Variants in RB1CC1 observed in about 807,000 individuals in gnomAD.
RB1CC1 encodes the protein RB1-inducible coiled-coil protein 1.
RB1CC1 carries 46 observed loss-of-function variants against 177.5 expected under a neutral mutation model. The observed-to-expected ratio is 0.26, with a 90% confidence interval of 0.20 to 0.33. RB1CC1 has a LOEUF of 0.33. RB1CC1 is among the 10% of genes least tolerant of loss of function. The pLI, the probability that RB1CC1 is intolerant of heterozygous loss-of-function variation, is 1.00. For synonymous variants in RB1CC1, 666 were observed against 613.6 expected (o/e 1.09, Z -1.26); for missense variants, 1,703 against 1,816.3 (o/e 0.94, Z 1.13).
intron 5 of RB1CC1, among the ~76,000 whole-genome samples, chr8:52,678,267 A>C (rs1037512427): frequency 6.6e-5 from 10 of 152,114 alleles, no homozygotes; most frequent in African/African-American, 1.9e-4. Context: ...AAATACAAAA[A>C]TTAGCTGGGT....
chr8:52,631,736 G>A (rs1450472113), intron 20 of RB1CC1, among the ~76,000 whole-genome samples: 3 of 152,118 alleles, frequency 2.0e-5, no homozygotes, highest in Non-Finnish European at 4.4e-5. Flanking sequence ...TCACCACAGC[G>A]TGCTCAGTCC....
chr8:52,670,214 T>C (rs1240679237), intron 7 of RB1CC1, among the ~76,000 whole-genome samples: 1 of 152,224 alleles, frequency 6.6e-6, no homozygotes, highest in Non-Finnish European at 1.5e-5. Context: ...ATTATAGGCA[T>C]GAGTCACCGT....
chr8:52,624,256 C>A (rs1250254763), intron 23 of RB1CC1, among the ~76,000 whole-genome samples: 1 of 151,930 alleles, frequency 6.6e-6, no homozygotes, highest in East Asian at 1.9e-4. Context: ...AGGAAGAATG[C>A]TCAGAAGACT....
rs141327664 is a variant in RB1CC1 at position 52,651,299 on chromosome 8, G to C, written c.3821+4709C>G. On this transcript the variant is annotated intron_variant, in intron 15 of 23. Transcript: ENST00000025008. ...TGAGATGGCAAAATGAGATACTCTA[G>C]ATCAAGGGCAGGTAAATCCAATCCG... is the stretch of plus-strand genomic sequence containing the variant. Among the ~76,000 whole-genome samples the C allele has an allele frequency of 6.3e-3, 954 of 152,318 alleles. 5 individuals are homozygous for C. The highest frequency in any genetic ancestry group is 0.011 in the Admixed American group (169 of 15,292).
chr8:52,649,172 C>A (rs542478190), intron 15 of RB1CC1, among the ~76,000 whole-genome samples: 2 of 152,156 alleles, frequency 1.3e-5, no homozygotes, highest in African/African-American at 4.8e-5. Flanking sequence ...ACAACACTAC[C>A]ACAGAAACCT....
chr8:52,632,562 C>A (rs1021835165), intron 20 of RB1CC1, among the ~76,000 whole-genome samples: 1 of 151,960 alleles, frequency 6.6e-6, no homozygotes, highest in Non-Finnish European at 1.5e-5. Flanking sequence ...CAAATGAAGA[C>A]AATGGAAGAA....
chr8:52,651,480 C>T (rs1229205174), intron 15 of RB1CC1, among the ~76,000 whole-genome samples: 19 of 152,210 alleles, frequency 1.2e-4, no homozygotes, highest in Admixed American at 1.2e-3. Context: ...CCAACCATTT[C>T]TTTAGGCTAA....
intron 1 of RB1CC1, among the ~76,000 whole-genome samples, chr8:52,694,967 T>C (rs1442036508): frequency 1.3e-5 from 2 of 152,214 alleles, no homozygotes; most frequent in African/African-American, 4.8e-5. Context: ...TACTATTAGC[T>C]TTTTAGTAGG....
Position 52,657,801 on chromosome 8 carries a change from A to G in RB1CC1, c.2028T>C (p.Val676=), listed in dbSNP as rs769741196. Residue 676 remains valine (V), a synonymous_variant, in exon 15 of 24, where the codon GTT becomes GTC. Transcript: ENST00000025008. ...TSPRTPPPLT[V]QDPLCPAVCP... ...AAACTGCAGGACATAAGGGATCCTG[A>G]ACAGTCAGTGGTGGAGGAGTTCTCG... is the stretch of plus-strand genomic sequence containing the variant. The G allele has an allele frequency of 6.2e-7, 1 of 1,613,902 alleles. No homozygotes were observed. Among genetic ancestry groups the G allele is most frequent in the Admixed American group, 1.7e-5 (1 of 60,006 alleles).
At chr8:52,644,784 A>C (rs2150419296) in intron 16 of RB1CC1, among the ~76,000 whole-genome samples, 1 of 152,312 alleles carries the variant, frequency 6.6e-6, no homozygotes, top group African/African-American at 2.4e-5. Flanking sequence ...CCACAAAGAC[A>C]CTAATTAATC....
At chr8:52,703,371 T>C (rs1054578536) in intron 1 of RB1CC1, among the ~76,000 whole-genome samples, 5 of 152,222 alleles carry the variant, frequency 3.3e-5, no homozygotes, top group African/African-American at 1.2e-4. Context: ...TAATGTTTAC[T>C]TCTCCCCAAA....
chr8:52,698,676 T>G (rs1190208403), intron 1 of RB1CC1, among the ~76,000 whole-genome samples: 1 of 2,000 alleles, frequency 5.0e-4, no homozygotes, highest in African/African-American at 2.2e-3. Flanking sequence ...GTTGGTTTTT[T>G]TTTTTTTTTT....
chr8:52,631,321 T>G (rs1848739322), intron 20 of RB1CC1, among the ~76,000 whole-genome samples: 3 of 152,160 alleles, frequency 2.0e-5, no homozygotes, highest in Middle Eastern at 6.8e-3. Flanking sequence ...TACAAAAAAT[T>G]AGCTGGGCAT....
chr8:52,646,120 T>C (rs1010379150), intron 15 of RB1CC1, among the ~76,000 whole-genome samples: 2 of 152,164 alleles, frequency 1.3e-5, no homozygotes, highest in African/African-American at 4.8e-5. Flanking sequence ...TTTGCTTATA[T>C]CAACATACAT....
intron 15 of RB1CC1, 142 bp from the exon 16 acceptor site, chr8:52,646,009 TAA>T (rs1849990338): frequency 2.5e-6 from 2 of 795,622 alleles, no homozygotes; most frequent in Non-Finnish European, 1.9e-6. Flanking sequence ...TCTTTGAATC[TAA>T]AAAGTAAAGG....
At chr8:52,629,311 A>G (rs1161667117) in intron 21 of RB1CC1, among the ~76,000 whole-genome samples, 1 of 152,250 alleles carries the variant, frequency 6.6e-6, no homozygotes, top group African/African-American at 2.4e-5. Flanking sequence ...AACACTATTC[A>G]TAAGTTGCTA....
chr8:52,650,167 C>T (rs1023025830), intron 15 of RB1CC1, among the ~76,000 whole-genome samples: 1 of 152,222 alleles, frequency 6.6e-6, no homozygotes, highest in African/African-American at 2.4e-5. Context: ...ATATGCCGGA[C>T]TGTGTGTCCT....
intron 18 of RB1CC1, among the ~76,000 whole-genome samples, chr8:52,636,575 A>T (rs1032666509): frequency 5.3e-5 from 8 of 152,250 alleles, no homozygotes; most frequent in African/African-American, 1.4e-4. Flanking sequence ...AAATTCATCT[A>T]CAGGTATAAT....
chr8:52,683,506 T>C (rs1373337230), intron 5 of RB1CC1, 43 bp downstream of exon 5: 2 of 1,477,764 alleles, frequency 1.4e-6, no homozygotes, highest in Non-Finnish European at 1.8e-6. Flanking sequence ...TAGATCCGAA[T>C]GCTTTTAGAA....
Sources: allele counts gnomAD v4.1 joint callset (sites outside exome capture counted in the v4.1 genomes callset), GRCh38; gene constraint gnomAD v4.1.1; transcripts MANE v1.5; gene names NCBI Gene and HGNC (gene_info 2026-07-23, HGNC 2026-07-21).